Variants in PCDHA5 observed in about 807,000 individuals in gnomAD.
The protein encoded by PCDHA5 is protocadherin alpha-5.
PCDHA5 carries 43 observed loss-of-function variants against 61.6 expected under a neutral mutation model. The observed-to-expected ratio is 0.70, with a 90% CI of 0.55 to 0.90. PCDHA5 has a LOEUF of 0.90. Among genes scored for constraint, PCDHA5 ranks in the 40% least tolerant of loss-of-function variants. The pLI, the probability that PCDHA5 is intolerant of heterozygous loss-of-function variation, is 0.00. For synonymous variants in PCDHA5, 627 were observed against 543.9 expected (o/e 1.15, Z -2.13); for missense variants, 1,298 against 1,222.7 (o/e 1.06, Z -0.92).
intron 1 of PCDHA5, among the ~76,000 whole-genome samples, chr5:140,844,558 A>G (rs1779439411): frequency 6.7e-6 from 1 of 149,510 alleles, no homozygotes; most frequent in South Asian, 2.1e-4. Flanking sequence ...GAGTTGGAAT[A>G]TTTTCAATAA....
intron 1 of PCDHA5, chr5:140,883,468 C>A: frequency 6.2e-7 from 1 of 1,614,164 alleles, no homozygotes; most frequent in South Asian, 1.1e-5. Context: ...TGGTGTCCAC[C>A]TACAAGAACT....
intron 1 of PCDHA5, among the ~76,000 whole-genome samples, chr5:140,922,707 A>T (rs1282909188): frequency 4.6e-5 from 7 of 152,240 alleles, no homozygotes; most frequent in African/African-American, 1.4e-4. Context: ...TACAGTCAAG[A>T]ACAAAAAGAA....
At chr5:140,876,555 G>A (rs782622293) in intron 1 of PCDHA5, 18 of 1,614,072 alleles carry the variant, frequency 1.1e-5, no homozygotes, top group Admixed American at 3.3e-5. Flanking sequence ...CTGTGCAAGA[G>A]GATGCTCAGG....
intron 1 of PCDHA5, chr5:140,850,587 G>C: frequency 1.3e-6 from 2 of 1,598,490 alleles, no homozygotes; most frequent in Non-Finnish European, 1.7e-6. Flanking sequence ...GGATGTCAAC[G>C]TGTACCTGAT....
chr5:140,929,138 G>C (rs150967804), intron 1 of PCDHA5: 183 of 1,614,054 alleles, frequency 1.1e-4, no homozygotes, highest in Non-Finnish European at 1.5e-4. Context: ...ACAGTTGAGA[G>C]ACTTTCTCAG....
At chr5:140,862,906 C>A in intron 1 of PCDHA5, 1 of 554,064 alleles carries the variant, frequency 1.8e-6, no homozygotes, top group Non-Finnish European at 3.5e-6. Flanking sequence ...GTCTGCGCTG[C>A]TGGCGCCTTG....
intron 3 of PCDHA5, among the ~76,000 whole-genome samples, chr5:140,992,707 C>T (rs1554253127): frequency 1.3e-5 from 2 of 152,056 alleles, no homozygotes; most frequent in Admixed American, 1.3e-4. Flanking sequence ...AATGTTCCTG[C>T]CAGTATTCGT....
chr5:140,906,593 T>C (rs2072768257), intron 1 of PCDHA5, among the ~76,000 whole-genome samples: 1 of 152,242 alleles, frequency 6.6e-6, no homozygotes, highest in Admixed American at 6.5e-5. Flanking sequence ...TACCTTCCTC[T>C]ACTACTCATT....
intron 1 of PCDHA5, chr5:140,841,999 T>G: frequency 6.2e-7 from 1 of 1,613,818 alleles, no homozygotes; most frequent in Non-Finnish European, 8.5e-7. Flanking sequence ...CAGGCACTGT[T>G]CAGCTGCTGG....
At chr5:140,849,688 T>C in intron 1 of PCDHA5, 3 of 1,598,706 alleles carry the variant, frequency 1.9e-6, no homozygotes, top group Non-Finnish European at 2.6e-6. Flanking sequence ...TTCAAGCTGG[T>C]GTCCACCTAC....
Position 140,857,690 on chromosome 5 carries a change from T to G in PCDHA5, c.2352+33563T>G, listed in dbSNP as rs184684054. On this transcript the variant is annotated intron_variant, in intron 1 of 3. Transcript: ENST00000529859. ...GGGCGTGCCGCCTCTGGGCAGCAAC[T>G]TGACGCTGCAGGTGTTCGTGCTGGA... 2.4e-3 allele frequency: 3,841 copies of G among 1,597,044 alleles called. 312 individuals are homozygous for G. In the African/African-American group the frequency reaches 0.036, roughly 15 times the overall value.
chr5:140,845,542 A>G (rs927156983), intron 1 of PCDHA5, among the ~76,000 whole-genome samples: 3 of 149,498 alleles, frequency 2.0e-5, no homozygotes, highest in African/African-American at 7.3e-5. Flanking sequence ...TATTCTAATT[A>G]TGGTGATGCT....
chr5:140,869,388 G>C lies in PCDHA5; in HGVS notation c.2352+45261G>C, dbSNP rs529836794. On this transcript the variant is annotated intron_variant, in intron 1 of 3. Transcript: ENST00000529859. Reference sequence around the variant, plus strand: ...ATTCTCGGATCGACCGCGAGGAGCTGTGCGGGCAGAGCGCGGAGTGCAGCA... The same window carrying C: ...ATTCTCGGATCGACCGCGAGGAGCTCTGCGGGCAGAGCGCGGAGTGCAGCA... 3.7e-6 allele frequency: 6 copies of C among 1,614,204 alleles called. No homozygotes were observed. The African/African-American group carries it at 6.7e-5, about 18-fold the overall frequency.
chr5:140,897,629 T>A (rs2066228656), intron 1 of PCDHA5, among the ~76,000 whole-genome samples: 1 of 152,116 alleles, frequency 6.6e-6, no homozygotes, highest in Non-Finnish European at 1.5e-5. Context: ...TACTATTGTG[T>A]ATAGTGCCAC....
intron 3 of PCDHA5, among the ~76,000 whole-genome samples, chr5:141,006,067 A>T (rs1202024176): frequency 3.3e-5 from 5 of 151,950 alleles, no homozygotes; most frequent in African/African-American, 1.2e-4. Context: ...AGAAATAAAA[A>T]TCAGATTATT....
At chr5:140,980,189 A>T (rs2096879459) in intron 2 of PCDHA5, among the ~76,000 whole-genome samples, 1 of 152,226 alleles carries the variant, frequency 6.6e-6, no homozygotes, top group African/African-American at 2.4e-5. Context: ...CTTTATATTT[A>T]TTAGAGACCA....
intron 1 of PCDHA5, chr5:140,877,311 G>C (rs200978234): frequency 6.3e-5 from 101 of 1,613,852 alleles, no homozygotes; most frequent in Non-Finnish European, 7.9e-5. Context: ...AGTTGCAACC[G>C]GCGGCGGTCG....
At chr5:140,832,603 C>G (rs2150202757) in intron 1 of PCDHA5, among the ~76,000 whole-genome samples, 1 of 152,244 alleles carries the variant, frequency 6.6e-6, no homozygotes, top group South Asian at 2.1e-4. Context: ...TATAGCGTTG[C>G]TAGTGAGTAA....
chr5:140,908,431 G>A (rs949756474), intron 1 of PCDHA5, among the ~76,000 whole-genome samples: 4 of 152,152 alleles, frequency 2.6e-5, no homozygotes, highest in Non-Finnish European at 5.9e-5. Context: ...GCTGCTGTGC[G>A]CACCCCACTT....
Sources: gnomAD v4.1 joint callset for allele counts (sites outside exome capture counted in the v4.1 genomes callset) on GRCh38, gnomAD v4.1.1 for gene constraint, MANE v1.5 for transcripts, NCBI Gene and HGNC (gene_info 2026-07-23, HGNC 2026-07-21) for gene names.